PPIG: variants seen among roughly 807,000 people sequenced by gnomAD.
The protein encoded by PPIG is peptidyl-prolyl cis-trans isomerase G.
A neutral mutation model predicts 87.9 loss-of-function variants in PPIG; 26 were observed. The ratio of observed to expected loss-of-function variants is 0.30; its 90% CI spans 0.22 to 0.41. The LOEUF (loss-of-function observed/expected upper bound fraction) is 0.41. Ranked by LOEUF, PPIG falls within the 10% of genes least tolerant of loss-of-function variation. PPIG has a pLI of 1.00. For missense variants in PPIG, 722 were observed against 879.4 expected, an observed-to-expected ratio of 0.82 and a Z score of 2.26; for synonymous variants, 308 against 276.5, an observed-to-expected ratio of 1.11 and a Z score of -1.13.
At chr2:169,595,790 A>T (rs994198165) in intron 1 of PPIG, among the ~76,000 whole-genome samples, 1 of 152,070 alleles carries the variant, frequency 6.6e-6, no homozygotes, top group Non-Finnish European at 1.5e-5. Flanking sequence ...TATGTATCAC[A>T]GTTTTTTGTT....
rs775278361 is a variant in PPIG, at chr2:169,614,709, A to T, written c.532A>T (p.Ile178Phe). ...EVRILSCGEL[I>F]PKSKVKKEEK... Reference sequence around the variant, plus strand: ...ACGGATACTCAGTTGTGGAGAGCTGATTCCCAAATCTAAAGGTAAAAAGGA... The same window carrying T: ...ACGGATACTCAGTTGTGGAGAGCTGTTTCCCAAATCTAAAGGTAAAAAGGA... Residue 178 changes from isoleucine (I) to phenylalanine (F), a missense_variant, in exon 9 of 14, where the codon ATT (isoleucine) becomes TTT (phenylalanine). Coordinates refer to ENST00000260970, the MANE Select transcript of PPIG (RefSeq NM_004792.3). The T allele has an allele frequency of 2.7e-5, 43 of 1,601,282 alleles. No individual in the cohort carries two copies. Among genetic ancestry groups the T allele is most frequent in the Non-Finnish European group, 3.3e-5 (39 of 1,177,408 alleles).
intron 1 of PPIG, among the ~76,000 whole-genome samples, chr2:169,590,098 A>AGC: frequency 6.6e-6 from 1 of 150,504 alleles, no homozygotes; most frequent in East Asian, 2.0e-4. Flanking sequence ...AACAAGAAAG[A>AGC]GCGAAACTCT....
intron 1 of PPIG, among the ~76,000 whole-genome samples, chr2:169,586,444 T>C (rs1297684566): frequency 6.6e-6 from 1 of 152,238 alleles, no homozygotes; most frequent in Non-Finnish European, 1.5e-5. Context: ...GAAAATTAAA[T>C]ACTCAGCTTT....
rs1382445722 is a variant in PPIG, at chr2:169,599,899, T to G, written c.-69-3743T>G. ...TTTCCCCAATTTTTTTCTTTTTAAT[T>G]TCACATAGACAAATAGAAATAATTT... On this transcript the variant is annotated intron_variant, in intron 1 of 13. Transcript: ENST00000260970. 2.0e-5 allele frequency among the ~76,000 whole-genome samples: 3 copies of G among 152,166 alleles called. No homozygotes were observed. The South Asian group carries it at 6.2e-4, about 31-fold the overall frequency.
rs1217119216 is a variant in PPIG, at chr2:169,613,378, A to AT, written c.378-1084dup. Among the ~76,000 whole-genome samples, 14 of 152,270 alleles carry AT rather than the reference A, an allele frequency of 9.2e-5. No homozygotes were observed. The East Asian group carries it at 2.7e-3, about 29-fold the overall frequency. ...ATGCTTTCACCAAAGATTAGCATAA[A>AT]TTATGCTCCTTTTTTCGAATTTCTA... On this transcript the variant is annotated intron_variant, in intron 7 of 13. Transcript: ENST00000260970.
rs1686299640 is a variant in PPIG at position 169,641,026 on chromosome 2, A to G, written c.*3503A>G. 6.6e-6 allele frequency: 1 copy of G among 152,158 alleles called. No homozygotes were observed. The highest frequency in any genetic ancestry group is 1.5e-5 in the Non-Finnish European group (1 of 68,014). The allele number at this position is 152,158 out of a possible 1,614,324, so 9.4% of individuals were successfully genotyped here. On this transcript the variant is annotated 3_prime_UTR_variant, in exon 14 of 14. Transcript: ENST00000260970. The stretch of plus-strand genomic sequence containing the variant: ...CTTTTTTTCTTTAAGCAAATTCCAT[A>G]TGTTACCAAAAGCACATGCTGTATA...
rs139771517 is a variant in PPIG, at chr2:169,631,817, T to A, written c.813T>A (p.Thr271=). ...ATCTTGAAGCACAACCCCAGTCTAC[T>A]GTCCGTCCAGAAGAGATCCCTCCTA... The part of the protein sequence containing the change: ...AENLEAQPQS[T]VRPEEIPPIP... The change falls in exon 11 of 14, where the codon ACT becomes ACA. Residue 271 remains threonine (T), a synonymous_variant. Transcript: ENST00000260970. The A allele has an allele frequency of 2.2e-5, 36 of 1,613,742 alleles. No individual in the cohort carries two copies. The highest frequency in any genetic ancestry group is 3.0e-5 in the Non-Finnish European group (35 of 1,179,804).
rs1208850040 is a variant in PPIG, at chr2:169,584,416, C to A, written c.-144C>A. ...GGGAGGCGGTTAGCGGGCTTTAGCG[C>A]CTTTTCTGGCGGCGGTAGATTTGAA... is the stretch of plus-strand genomic sequence containing the variant. On this transcript the variant is annotated 5_prime_UTR_variant, in exon 1 of 14. Coordinates refer to ENST00000260970, the MANE Select transcript of PPIG (RefSeq NM_004792.3). The A allele has an allele frequency of 2.8e-5, 13 of 470,948 alleles. No individual in the cohort carries two copies. In the Admixed American group the frequency reaches 3.1e-4, roughly 11 times the overall value. The allele number at this position is 470,948 out of a possible 1,614,324, so 29.2% of individuals were successfully genotyped here.
At chr2:169,608,137 GATA>G (rs539764398) in intron 6 of PPIG, among the ~76,000 whole-genome samples, 297 of 152,302 alleles carry the variant, frequency 2.0e-3, no homozygotes, top group African/African-American at 6.8e-3. Flanking sequence ...AGGGGATTGA[GATA>G]ATATTTGGGT....
At chr2:169,626,968 C>G (rs1443368188) in intron 9 of PPIG, among the ~76,000 whole-genome samples, 1 of 152,104 alleles carries the variant, frequency 6.6e-6, no homozygotes. Flanking sequence ...CTTTGGTGTC[C>G]CAAAGTGCTA....
chr2:169,628,694 C>CT (rs1343134043), intron 9 of PPIG, among the ~76,000 whole-genome samples: 1 of 152,040 alleles, frequency 6.6e-6, no homozygotes, highest in Non-Finnish European at 1.5e-5. Flanking sequence ...AATCCCAACA[C>CT]TTACGGAGGT....
In PPIG at chr2:169,604,065, T is replaced by A. The variant is rs763584494; in HGVS notation, c.24T>A (p.Pro8=). Residue 8 remains proline (P), a synonymous_variant, in exon 3 of 14, where the codon CCT becomes CCA. Coordinates refer to ENST00000260970, the MANE Select transcript of PPIG (RefSeq NM_004792.3). MGIKVQR[P]RCFFDIAINN... is the part of the protein sequence containing the mutation. ...CCATGGGAATAAAGGTTCAACGTCC[T>A]CGATGTTTTTTTGACATTGCCATTA... The A allele has an allele frequency of 1.2e-6, 2 of 1,613,964 alleles. No individual in the cohort carries two copies. The highest frequency in any genetic ancestry group is 2.2e-5 in the South Asian group (2 of 91,078).
At position 169,638,781 on chromosome 2, in the gene PPIG, A is replaced by G. The variant is rs1686248155; in HGVS notation, c.*1258A>G. 6.6e-6 allele frequency: 1 copy of G among 151,966 alleles called. No individual in the cohort carries two copies. Among genetic ancestry groups the G allele is most frequent in the Non-Finnish European group, 1.5e-5 (1 of 67,886 alleles). 9.4% of individuals were successfully genotyped at this position (151,966 alleles called of 1,614,324 possible). ...GTCCATTTAGAGTTTTGGGTGTTGT[A>G]TTTTGCCATTTTTGTGATGTGTGGC... On this transcript the variant is annotated 3_prime_UTR_variant, in exon 14 of 14. Coordinates refer to ENST00000260970, the MANE Select transcript of PPIG (RefSeq NM_004792.3).
At chr2:169,592,392 C>T (rs1684893578) in intron 1 of PPIG, among the ~76,000 whole-genome samples, 1 of 150,356 alleles carries the variant, frequency 6.7e-6, no homozygotes, top group Non-Finnish European at 1.5e-5. Flanking sequence ...GCAAGCTCCG[C>T]CTCCCGGGTT....
intron 5 of PPIG, among the ~76,000 whole-genome samples, 174 bp downstream of exon 5, chr2:169,606,320 G>A (rs1023892119): frequency 6.6e-6 from 1 of 151,876 alleles, no homozygotes; most frequent in African/African-American, 2.4e-5. Flanking sequence ...TAGGCTGGGT[G>A]CGGTGGCTCA....
At chr2:169,626,649 C>G (rs1412516575) in intron 9 of PPIG, among the ~76,000 whole-genome samples, 1 of 151,866 alleles carries the variant, frequency 6.6e-6, no homozygotes, top group African/African-American at 2.4e-5. Context: ...TTTGGCCTTC[C>G]AAAGTGCTGG....
chr2:169,594,423 A>G (rs1456215418), intron 1 of PPIG, among the ~76,000 whole-genome samples: 1 of 151,852 alleles, frequency 6.6e-6, no homozygotes, highest in Non-Finnish European at 1.5e-5. Context: ...ATTAAAAATT[A>G]CCCTTAAACC....
chr2:169,610,593 C>CT (rs972850366), intron 7 of PPIG, among the ~76,000 whole-genome samples: 26 of 147,518 alleles, frequency 1.8e-4, no homozygotes, highest in Non-Finnish European at 2.9e-4. Flanking sequence ...TTCCCATTTC[C>CT]TTTTTTTTTT....
intron 1 of PPIG, among the ~76,000 whole-genome samples, chr2:169,588,905 G>T (rs1461030389): frequency 1.5e-5 from 2 of 134,766 alleles, no homozygotes; most frequent in South Asian, 4.7e-4. Context: ...GTTGCAGTGA[G>T]CCAAGATCGC....
Sources: allele counts gnomAD v4.1 joint callset (sites outside exome capture counted in the v4.1 genomes callset), GRCh38; gene constraint gnomAD v4.1.1; transcripts MANE v1.5; gene names NCBI Gene and HGNC (gene_info 2026-07-23, HGNC 2026-07-21).